The following LRP1B variants were observed in gnomAD, a reference collection of about 807,000 sequenced individuals.
LRP1B encodes low-density lipoprotein receptor-related protein 1B.
Under a neutral mutation model 556.6 loss-of-function variants are expected in LRP1B, and 217 were observed. That is an observed-to-expected ratio of 0.39 (90% CI 0.35 to 0.44). LRP1B has a LOEUF of 0.44. Among genes scored for constraint, LRP1B ranks in the 20% least tolerant of loss-of-function variants. LRP1B has a pLI of 1.00. For synonymous variants in LRP1B, 2,047 were observed against 1,865.8 expected, an observed-to-expected ratio of 1.10 and a Z score of -2.50; for missense variants, 5,053 against 5,620.8, an observed-to-expected ratio of 0.90 and a Z score of 3.23.
intron 37 of LRP1B, among the ~76,000 whole-genome samples, chr2:140,705,521 C>CAAAAAA (rs565447198): frequency 1.1e-3 from 75 of 68,192 alleles, no homozygotes; most frequent in Non-Finnish European, 1.2e-3. Context: ...GAGACTGTCT[C>CAAAAAA]AAAAAAAAAA....
intron 6 of LRP1B, among the ~76,000 whole-genome samples, chr2:141,201,414 C>T (rs1682010251): frequency 6.6e-6 from 1 of 152,048 alleles, no homozygotes; most frequent in African/African-American, 2.4e-5. Context: ...TTTTCTGACT[C>T]ACAGTCATGG....
At chr2:141,029,365 C>A (rs561477861) in intron 11 of LRP1B, among the ~76,000 whole-genome samples, 35 of 152,176 alleles carry the variant, frequency 2.3e-4, no homozygotes, top group African/African-American at 7.9e-4. Flanking sequence ...GAGAGGCAGT[C>A]CCCTGTGGGC....
rs199649226 is a variant in LRP1B at position 140,358,012 on chromosome 2, C to G, written c.11362G>C (p.Gly3788Arg). 3 of 1,611,258 alleles carry G rather than the reference C, an allele frequency of 1.9e-6. No homozygotes were observed. Among genetic ancestry groups the G allele is most frequent in the East Asian group, 4.5e-5 (2 of 44,734 alleles). Residue 3788 changes from glycine to arginine, a missense_variant, in exon 74 of 91, where the codon GGA (glycine) becomes CGA (arginine). This residue lies in a region of LRP1B where 599 missense variants were observed against 648.4 expected (regional missense o/e 0.92). Transcript: ENST00000389484. ...DLQCDRLDDC[G>R]DGSDEQGCRI... The stretch of plus-strand genomic sequence containing the variant: ...CATCCTTGCTCATCTGAACCATCTC[C>G]GCAGTCATCAAGTCGATCACACTGG...
At chr2:140,966,612 T>C (rs1696230400) in intron 18 of LRP1B, among the ~76,000 whole-genome samples, 1 of 152,338 alleles carries the variant, frequency 6.6e-6, no homozygotes, top group South Asian at 2.1e-4. Flanking sequence ...CATAAAGTCC[T>C]TGCCCATGCC....
At chr2:141,158,183 T>C (rs1187216976) in intron 7 of LRP1B, among the ~76,000 whole-genome samples, 1 of 152,154 alleles carries the variant, frequency 6.6e-6, no homozygotes, top group Admixed American at 6.6e-5. Flanking sequence ...TTTTAACCAG[T>C]TGAATTAAGC....
chr2:141,000,289 T>C (rs1697379326), intron 15 of LRP1B, among the ~76,000 whole-genome samples: 2 of 151,984 alleles, frequency 1.3e-5, no homozygotes, highest in Admixed American at 1.3e-4. Flanking sequence ...CACCATGATA[T>C]TTAAACACAG....
intron 41 of LRP1B, among the ~76,000 whole-genome samples, chr2:140,638,845 G>C (rs1684170420): frequency 6.6e-6 from 1 of 150,944 alleles, no homozygotes; most frequent in African/African-American, 2.4e-5. Context: ...GTGTATATAT[G>C]AACTATATTT....
chr2:141,992,680 T>C (rs1349990421), intron 1 of LRP1B, among the ~76,000 whole-genome samples: 1 of 152,134 alleles, frequency 6.6e-6, no homozygotes. Flanking sequence ...GGGAAATTAA[T>C]GTTGATTGTG....
At chr2:142,054,214 A>T (rs1259386941) in intron 1 of LRP1B, among the ~76,000 whole-genome samples, 4 of 152,188 alleles carry the variant, frequency 2.6e-5, no homozygotes, top group Non-Finnish European at 5.9e-5. Flanking sequence ...CCATTTTAAC[A>T]CAAATGTTTA....
intron 2 of LRP1B, among the ~76,000 whole-genome samples, chr2:141,544,592 G>A (rs143109879): frequency 7.9e-4 from 120 of 151,174 alleles, no homozygotes; most frequent in African/African-American, 2.6e-3. Flanking sequence ...GAAGTTTACC[G>A]CTCTTATAAA....
intron 43 of LRP1B, among the ~76,000 whole-genome samples, chr2:140,598,279 C>A (rs943105992): frequency 6.6e-6 from 1 of 152,162 alleles, no homozygotes; most frequent in Non-Finnish European, 1.5e-5. Context: ...CCTGGGACAA[C>A]TAATCAATTT....
intron 1 of LRP1B, among the ~76,000 whole-genome samples, chr2:142,023,485 G>A (rs1294276689): frequency 6.6e-6 from 1 of 152,108 alleles, no homozygotes; most frequent in Non-Finnish European, 1.5e-5. Flanking sequence ...GTTACCAAGA[G>A]CACACACAAA....
At chr2:141,881,124 A>G (rs1201280458) in intron 1 of LRP1B, among the ~76,000 whole-genome samples, 3 of 152,246 alleles carry the variant, frequency 2.0e-5, no homozygotes, top group South Asian at 4.1e-4. Context: ...CTAAAGATGA[A>G]GCATAGAAAA....
intron 29 of LRP1B, among the ~76,000 whole-genome samples, chr2:140,844,564 T>C (rs886543518): frequency 6.6e-6 from 1 of 152,130 alleles, no homozygotes. Flanking sequence ...ATATATTTAA[T>C]AATATTTTTC....
intron 3 of LRP1B, among the ~76,000 whole-genome samples, chr2:141,477,620 G>A (rs1285139807): frequency 2.0e-5 from 3 of 152,148 alleles, no homozygotes; most frequent in Non-Finnish European, 4.4e-5. Flanking sequence ...ATGTGGTGAG[G>A]AAACTTTACA....
At chr2:141,438,206 G>A (rs1178401635) in intron 3 of LRP1B, among the ~76,000 whole-genome samples, 2 of 152,102 alleles carry the variant, frequency 1.3e-5, no homozygotes, top group African/African-American at 2.4e-5. Context: ...GTTGATTACG[G>A]AGTCTGTTCA....
chr2:140,754,755 T>G (rs1264395937), intron 35 of LRP1B, among the ~76,000 whole-genome samples: 2 of 134,844 alleles, frequency 1.5e-5, no homozygotes, highest in Non-Finnish European at 3.2e-5. Flanking sequence ...CCTAATCTTC[T>G]TGCTTAAGAA....
At chr2:141,099,644 C>T (rs1700411209) in intron 7 of LRP1B, among the ~76,000 whole-genome samples, 1 of 152,218 alleles carries the variant, frequency 6.6e-6, no homozygotes, top group South Asian at 2.1e-4. Context: ...CACAACTCTT[C>T]TTCCTAGGAT....
Position 141,352,753 on chromosome 2 carries a change from C to A in LRP1B, c.344-98112G>T, listed in dbSNP as rs1480309546. ...ATGTTTATTTAAAGTGGAAGTATTA[C>A]AGCCTTGGTCATATGAAATGCCAGC... is the stretch of plus-strand genomic sequence containing the variant. On this transcript the variant is annotated intron_variant, in intron 3 of 90. Coordinates refer to ENST00000389484, the MANE Select transcript of LRP1B (RefSeq NM_018557.3). Among the ~76,000 whole-genome samples the A allele has an allele frequency of 3.3e-5, 5 of 151,910 alleles. 1 individual carries two copies. The highest frequency in any genetic ancestry group is 4.8e-5 in the African/African-American group (2 of 41,362).
Sources: gnomAD v4.1 joint callset for allele counts (sites outside exome capture counted in the v4.1 genomes callset) on GRCh38, gnomAD v4.1.1 for gene constraint, gnomAD v4.1.1 regional missense constraint, MANE v1.5 for transcripts, NCBI Gene and HGNC (gene_info 2026-07-23, HGNC 2026-07-21) for gene names.